The following GRIK2 variants were observed in gnomAD, a reference collection of about 807,000 sequenced individuals.
GRIK2 encodes glutamate receptor ionotropic, kainate 2.
GRIK2 carries 32 observed loss-of-function variants against 100.3 expected under a neutral mutation model. The ratio of observed to expected loss-of-function variants is 0.32; its 90% CI spans 0.24 to 0.43. The LOEUF (loss-of-function observed/expected upper bound fraction) is 0.43, where lower values mean the gene tolerates loss of function less well. Ranked by LOEUF, GRIK2 falls within the 20% of genes least tolerant of loss-of-function variation. The probability of loss-of-function intolerance (pLI) is 1.00; values close to 1 mark genes in which losing one functional copy is unlikely to be tolerated. For missense variants in GRIK2, 843 were observed against 1,114.9 expected (o/e 0.76, Z 3.47); for synonymous variants, 417 against 389.4 (o/e 1.07, Z -0.83).
intron 7 of GRIK2, among the ~76,000 whole-genome samples, chr6:101,771,840 A>G (rs1266816620): frequency 3.3e-5 from 5 of 151,790 alleles, no homozygotes; most frequent in Admixed American, 1.3e-4. Context: ...AGCTTCATCC[A>G]TGTCCCTACA....
At chr6:101,415,004 T>TGG (rs1201889129) in intron 2 of GRIK2, among the ~76,000 whole-genome samples, 8 of 135,734 alleles carry the variant, frequency 5.9e-5, no homozygotes, top group South Asian at 2.3e-4. Flanking sequence ...GTGTGGTGTG[T>TGG]GGGGTGTGTG....
chr6:101,897,495 A>ATGG (rs1787548304), intron 12 of GRIK2, among the ~76,000 whole-genome samples: 1 of 151,814 alleles, frequency 6.6e-6, no homozygotes, highest in Non-Finnish European at 1.5e-5. Flanking sequence ...CACTGGAAAA[A>ATGG]TGGTGCCCTT....
At position 101,796,043 on chromosome 6, in the gene GRIK2, C is replaced by A. The variant is rs12665653; in HGVS notation, c.952-3605C>A. Among the ~76,000 whole-genome samples, 79 of 152,188 alleles carry A rather than the reference C, an allele frequency of 5.2e-4. No individual in the cohort carries two copies. The East Asian group carries it at 0.013, about 25-fold the overall frequency. On this transcript the variant is annotated intron_variant, in intron 7 of 16. Coordinates refer to ENST00000369134, the MANE Select transcript of GRIK2 (RefSeq NM_021956.5). ...TTGTTACATTGTGTAACTACAAAAC[C>A]ACCTTCACTACTTTGCTTATTAACC...
At position 101,547,790 on chromosome 6, in the gene GRIK2, G is replaced by C. The variant is rs543427168; in HGVS notation, c.116-74159G>C. Among the ~76,000 whole-genome samples the C allele has an allele frequency of 2.2e-3, 336 of 151,846 alleles. 1 individual carries two copies. The highest frequency in any genetic ancestry group is 3.9e-3 in the Admixed American group (59 of 15,232). On this transcript the variant is annotated intron_variant, in intron 2 of 16. Coordinates refer to ENST00000369134, the MANE Select transcript of GRIK2 (RefSeq NM_021956.5). ...TGCCGCAATAAACATACATGTGCAT[G>C]TGTCTTTATAGCAGCATGATTTATA...
rs9485506 is a variant in GRIK2 at position 101,508,192 on chromosome 6, A to G, written c.115+108800A>G. Among the ~76,000 whole-genome samples the G allele has an allele frequency of 2.9e-3, 439 of 152,156 alleles. 3 individuals carry two copies. Among genetic ancestry groups the G allele is most frequent in the African/African-American group, 0.01 (427 of 41,522 alleles). ...TTCAGTGACAGGACCAATTCAGACC[A>G]GGTTAAAGTTTATAAGAGAAAAATA... is the stretch of plus-strand genomic sequence containing the variant. On this transcript the variant is annotated intron_variant, in intron 2 of 16. Transcript: ENST00000369134.
In GRIK2 at chr6:101,572,815, A is replaced by T. The variant is rs201507587; in HGVS notation, c.116-49134A>T. 9.7e-3 allele frequency among the ~76,000 whole-genome samples: 1,061 copies of T among 109,824 alleles called. 11 individuals are homozygous for T. Among genetic ancestry groups the T allele is most frequent in the South Asian group, 0.017 (54 of 3,268 alleles). The allele number at this position is 109,824 out of a possible 152,430, so 72.0% of individuals were successfully genotyped here. A position where few individuals can be genotyped will look rare whatever the true frequency, so the allele number is the denominator to read the frequency against. ...TTTGTTGTTGTTGTTATTGTTGTTTATTATTTATTTATTTATTTATTTATT... is the reference window on the plus strand; with the variant it reads ...TTTGTTGTTGTTGTTATTGTTGTTTTTTATTTATTTATTTATTTATTTATT... On this transcript the variant is annotated intron_variant, in intron 2 of 16. Coordinates refer to ENST00000369134, the MANE Select transcript of GRIK2 (RefSeq NM_021956.5).
At chr6:101,621,810 C>T (rs557817698) in intron 2 of GRIK2, 139 bp from the exon 3 acceptor site, 3 of 646,542 alleles carry the variant, frequency 4.6e-6, no homozygotes, top group Non-Finnish European at 8.2e-6. Flanking sequence ...CTCTCTCTCT[C>T]TTTCTCTCTC....
chr6:101,565,525 A>G (rs187842266), intron 2 of GRIK2, among the ~76,000 whole-genome samples: 19 of 152,216 alleles, frequency 1.2e-4, no homozygotes, highest in African/African-American at 4.3e-4. Context: ...ATGTAAATGT[A>G]TTCACTCCAC....
At chr6:101,840,319 C>A (rs1783412849) in intron 10 of GRIK2, among the ~76,000 whole-genome samples, 1 of 152,162 alleles carries the variant, frequency 6.6e-6, no homozygotes. Flanking sequence ...ATGTCAGATA[C>A]CTGCAACCTA....
intron 2 of GRIK2, among the ~76,000 whole-genome samples, chr6:101,589,515 A>G (rs1778542193): frequency 6.6e-6 from 1 of 151,884 alleles, no homozygotes; most frequent in Non-Finnish European, 1.5e-5. Context: ...TATGAGATCA[A>G]CTCTTTTAGA....
At chr6:101,857,860 T>G (rs1021976268) in intron 10 of GRIK2, among the ~76,000 whole-genome samples, 1 of 152,188 alleles carries the variant, frequency 6.6e-6, no homozygotes, top group Non-Finnish European at 1.5e-5. Flanking sequence ...CACCCCTTTT[T>G]TATTCAGATC....
intron 2 of GRIK2, among the ~76,000 whole-genome samples, chr6:101,414,163 A>T (rs77071186): frequency 0.014 from 2,177 of 152,344 alleles, 52 homozygotes; most frequent in African/African-American, 0.05. Flanking sequence ...GGCATCTAGC[A>T]GTTCTTAGAA....
chr6:101,911,032 A>G (rs1475920), intron 12 of GRIK2, among the ~76,000 whole-genome samples: 128,420 of 151,434 alleles, frequency 0.85, 54,570 homozygotes, highest in East Asian at 0.94. Flanking sequence ...CTGCATTTGT[A>G]TTATTGCTTT....
intron 10 of GRIK2, among the ~76,000 whole-genome samples, chr6:101,827,202 T>C (rs1247291350): frequency 6.6e-6 from 1 of 152,010 alleles, no homozygotes; most frequent in African/African-American, 2.4e-5. Context: ...ACGTATATGA[T>C]TATGCTTGCA....
chr6:101,904,970 G>A (rs1788125482), intron 12 of GRIK2, among the ~76,000 whole-genome samples: 1 of 151,440 alleles, frequency 6.6e-6, no homozygotes, highest in Non-Finnish European at 1.5e-5. Context: ...GACAAACAAT[G>A]TACAAGCAGA....
rs746655085 is a variant in GRIK2, at chr6:101,676,885, ATTG to A, written c.723+84_723+86del. On this transcript the variant is annotated intron_variant, in intron 5 of 16. Coordinates refer to ENST00000369134, the MANE Select transcript of GRIK2 (RefSeq NM_021956.5). ...TGATCTTCTTTTAAATCAAAATATTATTGTTATGCAATCAGTTATAATAACCTT... is the reference window on the plus strand; with the variant it reads ...TGATCTTCTTTTAAATCAAAATATTATTATGCAATCAGTTATAATAACCTT... The A allele has an allele frequency of 2.8e-5, 22 of 776,118 alleles. No individual in the cohort carries two copies. In the Admixed American group the frequency reaches 2.9e-4, roughly 10 times the overall value. The allele number at this position is 776,118 out of a possible 1,614,324, so 48.1% of individuals were successfully genotyped here. A position where few individuals can be genotyped will look rare whatever the true frequency, so the allele number is the denominator to read the frequency against.
At chr6:101,481,615 G>C in intron 2 of GRIK2, among the ~76,000 whole-genome samples, 1 of 152,106 alleles carries the variant, frequency 6.6e-6, no homozygotes, top group Middle Eastern at 3.4e-3. Flanking sequence ...ATTATTTTGG[G>C]TATTAAATAC....
intron 7 of GRIK2, among the ~76,000 whole-genome samples, chr6:101,793,950 A>G (rs992805484): frequency 6.6e-6 from 1 of 152,108 alleles, no homozygotes; most frequent in Admixed American, 6.5e-5. Flanking sequence ...GCCGCGTTGC[A>G]GTTTGATCTC....
chr6:101,425,983 T>C (rs976859289), intron 2 of GRIK2, among the ~76,000 whole-genome samples: 3 of 152,222 alleles, frequency 2.0e-5, no homozygotes, highest in Non-Finnish European at 4.4e-5. Context: ...GTTGATGGAC[T>C]TTTCATTCTT....
Sources: allele counts gnomAD v4.1 joint callset (sites outside exome capture counted in the v4.1 genomes callset), GRCh38; gene constraint gnomAD v4.1.1; transcripts MANE v1.5; gene names NCBI Gene and HGNC (gene_info 2026-07-23, HGNC 2026-07-21).